The following CDK14 variants were observed in gnomAD, a reference collection of about 807,000 sequenced individuals.
CDK14 encodes cyclin-dependent kinase 14.
Under a neutral mutation model 60.7 loss-of-function variants are expected in CDK14, and 34 were observed. The observed-to-expected ratio is 0.56, with a 90% CI of 0.43 to 0.75. CDK14 has a LOEUF of 0.75. Among genes scored for constraint, CDK14 ranks in the 30% least tolerant of loss-of-function variants. CDK14 has a pLI of 0.00. For synonymous variants in CDK14, 197 were observed against 203.7 expected (o/e 0.97, Z 0.28); for missense variants, 482 against 564.1 (o/e 0.85, Z 1.47).
chr7:91,194,613 A>G (rs1267403410), intron 14 of CDK14, among the ~76,000 whole-genome samples: 2 of 152,178 alleles, frequency 1.3e-5, no homozygotes, highest in African/African-American at 2.4e-5. Flanking sequence ...ACAGAGGGCC[A>G]CGAGACATGA....
At chr7:91,147,287 T>G (rs985883909) in intron 14 of CDK14, among the ~76,000 whole-genome samples, 17 of 152,202 alleles carry the variant, frequency 1.1e-4, no homozygotes, top group Admixed American at 9.8e-4. Flanking sequence ...TTTTCTTTTT[T>G]GAGTGTACTC....
intron 6 of CDK14, among the ~76,000 whole-genome samples, chr7:90,869,571 T>C (rs1343369946): frequency 6.6e-6 from 1 of 152,230 alleles, no homozygotes; most frequent in African/African-American, 2.4e-5. Context: ...TCATATTTTA[T>C]TGGATCTCTG....
chr7:90,938,188 A>G (rs1236410054), intron 8 of CDK14, among the ~76,000 whole-genome samples: 3 of 152,258 alleles, frequency 2.0e-5, no homozygotes, highest in Admixed American at 1.3e-4. Context: ...ATTGCTAAAT[A>G]CAGATTTCTT....
chr7:90,768,918 A>G (rs2116885374), intron 4 of CDK14, among the ~76,000 whole-genome samples: 1 of 152,344 alleles, frequency 6.6e-6, no homozygotes, highest in East Asian at 1.9e-4. Context: ...CATTACTTTT[A>G]TAGTGTCGAT....
At chr7:90,781,110 T>C (rs2116930891) in intron 4 of CDK14, among the ~76,000 whole-genome samples, 1 of 152,298 alleles carries the variant, frequency 6.6e-6, no homozygotes, top group African/African-American at 2.4e-5. Flanking sequence ...TGGTGTGAGA[T>C]GGTATCTCAT....
chr7:90,652,303 T>C (rs557097002), intron 2 of CDK14, among the ~76,000 whole-genome samples: 45 of 152,308 alleles, frequency 3.0e-4, no homozygotes, highest in African/African-American at 1.1e-3. Context: ...GAAGCATAAT[T>C]ATATCAACTT....
chr7:90,954,328 AAT>A, intron 8 of CDK14, among the ~76,000 whole-genome samples: 1 of 152,272 alleles, frequency 6.6e-6, no homozygotes, highest in South Asian at 2.1e-4. Flanking sequence ...CATTAAAATG[AAT>A]ATGTTATGGT....
intron 12 of CDK14, among the ~76,000 whole-genome samples, chr7:91,100,592 T>G (rs1799123830): frequency 6.6e-6 from 1 of 152,216 alleles, no homozygotes. Context: ...AGCATCATAT[T>G]AGTACGCAGG....
Position 91,207,582 on chromosome 7 carries a change from T to C in CDK14, c.*446T>C, listed in dbSNP as rs1802941808. The stretch of plus-strand genomic sequence containing the variant: ...AAAGCCACAGAGTGGCATAAAACAA[T>C]GTGTGTTTTCTTTGAGAGCAGTGCA... On this transcript the variant is annotated 3_prime_UTR_variant, in exon 15 of 15. Coordinates refer to ENST00000380050, the MANE Select transcript of CDK14 (RefSeq NM_001287135.2). The C allele has an allele frequency of 6.5e-6, 1 of 152,690 alleles. No individual in the cohort carries two copies. 9.5% of individuals were successfully genotyped at this position (152,690 alleles called of 1,614,324 possible).
intron 2 of CDK14, among the ~76,000 whole-genome samples, chr7:90,656,248 T>C (rs1410147822): frequency 3.3e-5 from 5 of 152,200 alleles, no homozygotes; most frequent in Admixed American, 2.6e-4. Context: ...GTTTCACTTA[T>C]TATTCAACAT....
intron 5 of CDK14, among the ~76,000 whole-genome samples, chr7:90,794,185 C>T (rs937708746): frequency 6.6e-6 from 1 of 152,006 alleles, no homozygotes; most frequent in African/African-American, 2.4e-5. Flanking sequence ...ATGTGGATCA[C>T]AGAGATCACA....
intron 14 of CDK14, among the ~76,000 whole-genome samples, chr7:91,122,423 CA>C (rs1337261845): frequency 6.6e-6 from 1 of 152,158 alleles, no homozygotes; most frequent in Non-Finnish European, 1.5e-5. Context: ...TGCTTTTAGA[CA>C]GAACACAATG....
Position 90,625,494 on chromosome 7 carries a change from T to TA in CDK14, c.123+21246dup, listed in dbSNP as rs534802593. Reference sequence around the variant, plus strand: ...AACCACTAAAATACATTTATTTTAATATTTGCATCACATTTAATTTGTGTA... The same window carrying TA: ...AACCACTAAAATACATTTATTTTAATAATTTGCATCACATTTAATTTGTGTA... On this transcript the variant is annotated intron_variant, in intron 2 of 14. Transcript: ENST00000380050. 4.6e-5 allele frequency among the ~76,000 whole-genome samples: 7 copies of TA among 152,376 alleles called. No homozygotes were observed. The South Asian group carries it at 1.4e-3, about 32-fold the overall frequency.
intron 2 of CDK14, among the ~76,000 whole-genome samples, chr7:90,690,367 C>T (rs1002697425): frequency 6.6e-6 from 1 of 152,018 alleles, no homozygotes; most frequent in Middle Eastern, 3.2e-3. Context: ...TTTTTAGTGC[C>T]CCAGGTTTCA....
intron 5 of CDK14, among the ~76,000 whole-genome samples, chr7:90,810,895 A>AATCCAACTTACAAGGGACGTG (rs1317762554): frequency 6.5e-4 from 99 of 152,212 alleles, no homozygotes; most frequent in Non-Finnish European, 1.3e-3. Context: ...AATATCTAGG[A>AATCCAACTTACAAGGGACGTG]ATCCAACTTA....
At chr7:90,998,963 G>T (rs1795764050) in intron 10 of CDK14, among the ~76,000 whole-genome samples, 1 of 151,994 alleles carries the variant, frequency 6.6e-6, no homozygotes, top group Non-Finnish European at 1.5e-5. Context: ...AAGGCTGAGG[G>T]GCTGCATCTG....
chr7:90,826,457 T>C (rs1051931592), intron 5 of CDK14, among the ~76,000 whole-genome samples: 1 of 152,074 alleles, frequency 6.6e-6, no homozygotes, highest in African/African-American at 2.4e-5. Flanking sequence ...GACCTCATGA[T>C]CTGCCCACCT....
intron 6 of CDK14, among the ~76,000 whole-genome samples, chr7:90,886,010 A>C (rs1791934793): frequency 1.3e-5 from 2 of 152,214 alleles, no homozygotes; most frequent in Non-Finnish European, 2.9e-5. Flanking sequence ...CATTCTGCAC[A>C]TATATCTCGT....
At chr7:90,661,436 G>A (rs907515254) in intron 2 of CDK14, among the ~76,000 whole-genome samples, 1 of 152,170 alleles carries the variant, frequency 6.6e-6, no homozygotes, top group African/African-American at 2.4e-5. Context: ...TTGTTTGTTA[G>A]TTATGTTCAT....
Sources: allele counts gnomAD v4.1 joint callset (sites outside exome capture counted in the v4.1 genomes callset), GRCh38; gene constraint gnomAD v4.1.1; transcripts MANE v1.5; gene names NCBI Gene and HGNC (gene_info 2026-07-23, HGNC 2026-07-21).